Variants in ROBO2 observed in about 807,000 individuals in gnomAD.
The protein encoded by ROBO2 is roundabout guidance receptor 2.
Under a neutral mutation model 160.8 loss-of-function variants are expected in ROBO2, and 53 were observed. The observed-to-expected ratio is 0.33, with a 90% CI of 0.26 to 0.41. The LOEUF is 0.41. ROBO2 is among the 10% of genes least tolerant of loss of function. ROBO2 has a pLI of 1.00. For missense variants in ROBO2, 1,577 were observed against 1,722.4 expected (o/e 0.92, Z 1.49); for synonymous variants, 664 against 611.7 (o/e 1.09, Z -1.26).
At chr3:77,404,085 C>T (rs973867974) in intron 2 of ROBO2, among the ~76,000 whole-genome samples, 9 of 152,078 alleles carry the variant, frequency 5.9e-5, no homozygotes, top group Non-Finnish European at 1.2e-4. Context: ...CCTCATAACA[C>T]TGAGGCTGCA....
intron 2 of ROBO2, among the ~76,000 whole-genome samples, chr3:76,831,717 T>G (rs1450940111): frequency 1.3e-5 from 2 of 152,202 alleles, no homozygotes; most frequent in Admixed American, 1.3e-4. Flanking sequence ...CAAACTATTG[T>G]TAGGATGCTT....
chr3:76,470,344 G>T (rs905549692), intron 2 of ROBO2, among the ~76,000 whole-genome samples: 4 of 152,148 alleles, frequency 2.6e-5, no homozygotes, highest in African/African-American at 9.7e-5. Context: ...CCCAAGGGTT[G>T]ACAAAGCTCT....
intron 2 of ROBO2, among the ~76,000 whole-genome samples, chr3:77,245,742 A>G (rs2089651736): frequency 1.3e-5 from 2 of 152,226 alleles, no homozygotes; most frequent in South Asian, 4.1e-4. Flanking sequence ...TGTTTAGTAC[A>G]ATGTGACTGT....
chr3:77,418,882 C>T (rs1288141913), intron 2 of ROBO2, among the ~76,000 whole-genome samples: 1 of 152,010 alleles, frequency 6.6e-6, no homozygotes, highest in African/African-American at 2.4e-5. Context: ...GAAGGAAGAC[C>T]TATTCATATG....
intron 2 of ROBO2, among the ~76,000 whole-genome samples, chr3:77,465,312 G>T (rs2082661963): frequency 6.6e-6 from 1 of 152,134 alleles, no homozygotes; most frequent in African/African-American, 2.4e-5. Context: ...ATCCCAGGGA[G>T]AGAAACTCAA....
At chr3:77,497,408 A>G (rs1344056704) in intron 5 of ROBO2, among the ~76,000 whole-genome samples, 1 of 152,148 alleles carries the variant, frequency 6.6e-6, no homozygotes, top group Non-Finnish European at 1.5e-5. Context: ...AAGAAGATGC[A>G]CTTTTGGGTT....
intron 2 of ROBO2, among the ~76,000 whole-genome samples, chr3:76,531,115 GT>G (rs1170821475): frequency 3.3e-5 from 5 of 152,082 alleles, no homozygotes; most frequent in Non-Finnish European, 5.9e-5. Context: ...ACATTTATTT[GT>G]TTTTTGTCCG....
chr3:77,108,628 T>G (rs2073174814), intron 2 of ROBO2, among the ~76,000 whole-genome samples: 1 of 151,946 alleles, frequency 6.6e-6, no homozygotes, highest in Admixed American at 6.6e-5. Context: ...ACCCTGGTGA[T>G]GTAGGGTAGG....
chr3:77,477,821 A>G (rs1204519797), intron 3 of ROBO2, among the ~76,000 whole-genome samples: 1 of 132,262 alleles, frequency 7.6e-6, no homozygotes, highest in East Asian at 2.4e-4. Flanking sequence ...CAATATTGAT[A>G]TTTTAGCTCT....
At chr3:76,792,696 T>C (rs1409391100) in intron 2 of ROBO2, among the ~76,000 whole-genome samples, 1 of 151,758 alleles carries the variant, frequency 6.6e-6, no homozygotes, top group Non-Finnish European at 1.5e-5. Flanking sequence ...AAGGAGACGA[T>C]GTTGGTTTAC....
intron 2 of ROBO2, among the ~76,000 whole-genome samples, chr3:76,776,552 A>G (rs2062278017): frequency 6.7e-6 from 1 of 150,218 alleles, no homozygotes; most frequent in Admixed American, 6.6e-5. Flanking sequence ...CTTTAAGGGC[A>G]GATGCAGATA....
intron 2 of ROBO2, among the ~76,000 whole-genome samples, chr3:76,392,709 G>GTTCT (rs2077216333): frequency 6.6e-6 from 1 of 152,086 alleles, no homozygotes; most frequent in Non-Finnish European, 1.5e-5. Context: ...TTGTTTTATA[G>GTTCT]AAGATAGATA....
At chr3:76,372,136 A>G (rs896042007) in intron 2 of ROBO2, among the ~76,000 whole-genome samples, 3 of 151,924 alleles carry the variant, frequency 2.0e-5, no homozygotes, top group African/African-American at 4.8e-5. Flanking sequence ...ATAAAATTGT[A>G]TATTTCCCTT....
intron 2 of ROBO2, among the ~76,000 whole-genome samples, chr3:76,928,780 G>A (rs1425332867): frequency 6.6e-6 from 1 of 152,160 alleles, no homozygotes; most frequent in East Asian, 1.9e-4. Context: ...CTCCAGGAGA[G>A]CCCTGAGACT....
chr3:76,327,625 A>G (rs576230655), intron 2 of ROBO2, among the ~76,000 whole-genome samples: 84 of 152,322 alleles, frequency 5.5e-4, no homozygotes, highest in African/African-American at 2.0e-3. Flanking sequence ...TCTAGCCTGC[A>G]TAAATATAAA....
chr3:77,060,962 G>A (rs1035786332), intron 1 of ROBO2, among the ~76,000 whole-genome samples: 1 of 151,490 alleles, frequency 6.6e-6, no homozygotes, highest in Non-Finnish European at 1.5e-5. Flanking sequence ...AAGAGACAGG[G>A]TCTTGCCCCG....
At chr3:76,435,108 A>G (rs1300381837) in intron 2 of ROBO2, 4 of 957,908 alleles carry the variant, frequency 4.2e-6, no homozygotes, top group South Asian at 2.6e-5. Context: ...AATGAACTCC[A>G]TTACAGTAGA....
At chr3:76,512,378 T>C (rs2081144044) in intron 2 of ROBO2, among the ~76,000 whole-genome samples, 1 of 151,272 alleles carries the variant, frequency 6.6e-6, no homozygotes, top group Non-Finnish European at 1.5e-5. Context: ...GCATCACACA[T>C]AGAGACTGAA....
At chr3:77,331,561 C>G (rs1234046614) in intron 2 of ROBO2, among the ~76,000 whole-genome samples, 1 of 151,636 alleles carries the variant, frequency 6.6e-6, no homozygotes, top group Non-Finnish European at 1.5e-5. Flanking sequence ...ATATTGAAGG[C>G]AAAGAAAAAA....
Sources: gnomAD v4.1 joint callset for allele counts (sites outside exome capture counted in the v4.1 genomes callset) on GRCh38, gnomAD v4.1.1 for gene constraint, MANE v1.5 for transcripts, NCBI Gene and HGNC (gene_info 2026-07-23, HGNC 2026-07-21) for gene names.